The following NCOA3 variants were observed in gnomAD, a reference collection of about 807,000 sequenced individuals.
The protein encoded by NCOA3 is CBP-interacting protein.
Under a neutral mutation model 158.8 loss-of-function variants are expected in NCOA3, and 51 were observed. The ratio of observed to expected loss-of-function variants is 0.32; its 90% CI spans 0.26 to 0.41. The LOEUF is 0.41. Ranked by LOEUF, NCOA3 falls within the 10% of genes least tolerant of loss-of-function variation. The probability of loss-of-function intolerance (pLI) is 1.00; values close to 1 mark genes in which losing one functional copy is unlikely to be tolerated. For synonymous variants in NCOA3, 537 were observed against 592.4 expected, an observed-to-expected ratio of 0.91 and a Z score of 1.36; for missense variants, 1,510 against 1,746.6, an observed-to-expected ratio of 0.86 and a Z score of 2.41.
chr20:47,551,680 G>T (rs2084929580), intron 1 of NCOA3, among the ~76,000 whole-genome samples: 1 of 152,134 alleles, frequency 6.6e-6, no homozygotes, highest in African/African-American at 2.4e-5. Flanking sequence ...TGGTGATTCT[G>T]TTGAAAAATT....
chr20:47,643,807 A>G (rs1290165641), intron 17 of NCOA3, among the ~76,000 whole-genome samples: 1 of 151,504 alleles, frequency 6.6e-6, no homozygotes, highest in Non-Finnish European at 1.5e-5. Flanking sequence ...TAGGTTTAAA[A>G]TAATTATATA....
rs141615039 is a variant in NCOA3, at chr20:47,581,061, A to T, written c.-98-2122A>T. ...GGCTGAGGTGAGCCATGACCATACCACCACACTCCAGCCAGTCTGGGCACA... is the reference window on the plus strand; with the variant it reads ...GGCTGAGGTGAGCCATGACCATACCTCCACACTCCAGCCAGTCTGGGCACA... On this transcript the variant is annotated intron_variant, in intron 1 of 22. Transcript: ENST00000371998. Among the ~76,000 whole-genome samples the T allele has an allele frequency of 7.7e-4, 117 of 152,220 alleles. 5 individuals are homozygous for T. The East Asian group carries it at 0.021, about 27-fold the overall frequency.
At chr20:47,527,633 A>G (rs1181699981) in intron 1 of NCOA3, among the ~76,000 whole-genome samples, 1 of 152,232 alleles carries the variant, frequency 6.6e-6, no homozygotes, top group Non-Finnish European at 1.5e-5. Flanking sequence ...TTGGACAAAT[A>G]TCTAGGAGGT....
At chr20:47,570,495 G>A (rs2085273976) in intron 1 of NCOA3, among the ~76,000 whole-genome samples, 1 of 152,138 alleles carries the variant, frequency 6.6e-6, no homozygotes, top group East Asian at 1.9e-4. Flanking sequence ...TTCATCGTGA[G>A]GTTACAGTAA....
intron 1 of NCOA3, among the ~76,000 whole-genome samples, chr20:47,507,210 G>A (rs1319839550): frequency 6.6e-6 from 1 of 152,176 alleles, no homozygotes; most frequent in Non-Finnish European, 1.5e-5. Flanking sequence ...TTATTTTGTT[G>A]TACTGGGATT....
intron 20 of NCOA3, among the ~76,000 whole-genome samples, chr20:47,652,013 T>C: frequency 6.6e-6 from 1 of 152,040 alleles, no homozygotes. Flanking sequence ...TTTCAGCCTT[T>C]GAGAGGTTCC....
intron 1 of NCOA3, 54 bp downstream of exon 1, chr20:47,502,073 C>G (rs1000531480): frequency 2.5e-6 from 1 of 399,168 alleles, no homozygotes; most frequent in African/African-American, 2.1e-5. Flanking sequence ...GAGTGCGAGG[C>G]GGAGGGAAGA....
At chr20:47,516,944 T>C (rs901551763) in intron 1 of NCOA3, among the ~76,000 whole-genome samples, 1 of 149,750 alleles carries the variant, frequency 6.7e-6, no homozygotes, top group Admixed American at 6.7e-5. Context: ...AAAAATTTGC[T>C]GGGTGCAGTG....
chr20:47,633,764 A>G (rs2146317374), intron 9 of NCOA3, 128 bp downstream of exon 9: 1 of 1,066,690 alleles, frequency 9.4e-7, no homozygotes, highest in Non-Finnish European at 1.4e-6. Flanking sequence ...CTGAGTAGCC[A>G]AGACTGCAGG....
chr20:47,527,327 A>G (rs991576375), intron 1 of NCOA3, among the ~76,000 whole-genome samples: 3 of 152,146 alleles, frequency 2.0e-5, no homozygotes, highest in African/African-American at 7.2e-5. Flanking sequence ...CTAGAATTTC[A>G]TATAAATCCC....
At chr20:47,647,635 T>TA (rs2146341682) in intron 18 of NCOA3, among the ~76,000 whole-genome samples, 1 of 152,300 alleles carries the variant, frequency 6.6e-6, no homozygotes, top group East Asian at 1.9e-4. Context: ...TTTGTAGTCT[T>TA]AAAGGTAGAT....
chr20:47,636,831 AATTCTT>A, intron 12 of NCOA3, 69 bp downstream of exon 12: 16 of 1,406,182 alleles, frequency 1.1e-5, no homozygotes, highest in Non-Finnish European at 1.5e-5. Context: ...GTGATATAAA[AATTCTT>A]CCATTTTAGG....
rs867812772 is a variant in NCOA3, at chr20:47,505,032, G to A, written c.-99+3013G>A. ...TTTTTTTTTTTTTTTTTTTTTTTGC[G>A]GGCAGGGGCGTTTTTTTTTTTTCTT... On this transcript the variant is annotated intron_variant, in intron 1 of 22. Transcript: ENST00000371998. Among the ~76,000 whole-genome samples the A allele has an allele frequency of 2.3e-4, 2 of 8,760 alleles. 1 individual carries two copies. Among genetic ancestry groups the A allele is most frequent in the Non-Finnish European group, 4.9e-4 (2 of 4,066 alleles). The allele number at this position is 8,760 out of a possible 152,430, so 5.7% of individuals were successfully genotyped here.
chr20:47,526,111 A>C (rs1251300522), intron 1 of NCOA3, among the ~76,000 whole-genome samples: 1 of 147,310 alleles, frequency 6.8e-6, no homozygotes, highest in Non-Finnish European at 1.5e-5. Context: ...GACGCTCCTC[A>C]CATCCCGGAC....
chr20:47,582,544 G>A (rs959596474), intron 1 of NCOA3, among the ~76,000 whole-genome samples: 1 of 149,932 alleles, frequency 6.7e-6, no homozygotes, highest in Non-Finnish European at 1.5e-5. Context: ...TTATTTTTTT[G>A]TGTGTGGAGA....
chr20:47,608,340 A>T (rs1267294993), intron 2 of NCOA3, among the ~76,000 whole-genome samples: 2 of 150,954 alleles, frequency 1.3e-5, no homozygotes, highest in Non-Finnish European at 3.0e-5. Context: ...AAACAAATAA[A>T]CCAAAAAAGT....
intron 1 of NCOA3, among the ~76,000 whole-genome samples, chr20:47,532,739 T>C (rs1007992045): frequency 7.9e-5 from 12 of 152,124 alleles, no homozygotes; most frequent in Non-Finnish European, 1.3e-4. Context: ...TCCCAAAGTA[T>C]TGGCATTATA....
chr20:47,570,490 C>T (rs942114247), intron 1 of NCOA3, among the ~76,000 whole-genome samples: 3 of 152,160 alleles, frequency 2.0e-5, no homozygotes, highest in Non-Finnish European at 2.9e-5. Flanking sequence ...GAAGTTTCAT[C>T]GTGAGGTTAC....
chr20:47,625,297 A>G (rs2086304116), intron 4 of NCOA3, 84 bp from the exon 5 acceptor site: 4 of 856,870 alleles, frequency 4.7e-6, no homozygotes, highest in East Asian at 5.0e-5. Context: ...GTGTATCTTT[A>G]TGTCTCTTCT....
Sources: gnomAD v4.1 joint callset for allele counts (sites outside exome capture counted in the v4.1 genomes callset) on GRCh38, gnomAD v4.1.1 for gene constraint, MANE v1.5 for transcripts, NCBI Gene and HGNC (gene_info 2026-07-23, HGNC 2026-07-21) for gene names.